SYDE2: variants seen among roughly 807,000 people sequenced by gnomAD.
SYDE2 encodes rho GTPase-activating protein SYDE2.
A neutral mutation model predicts 91.5 loss-of-function variants in SYDE2; 76 were observed. That is an observed-to-expected ratio of 0.83 (90% confidence interval 0.69 to 1.01). The LOEUF (loss-of-function observed/expected upper bound fraction) is 1.01, where lower values mean the gene tolerates loss of function less well. Ranked by LOEUF, SYDE2 falls within the 50% of genes least tolerant of loss-of-function variation. SYDE2 has a pLI of 0.00. For missense variants in SYDE2, 1,364 were observed against 1,367.7 expected (o/e 1.00, Z 0.04); for synonymous variants, 513 against 506.4 (o/e 1.01, Z -0.18).
intron 6 of SYDE2, among the ~76,000 whole-genome samples, chr1:85,161,935 C>T (rs570216502): frequency 2.7e-4 from 41 of 152,204 alleles, no homozygotes; most frequent in African/African-American, 6.7e-4. Context: ...TTCTGGTCAA[C>T]GGGAAGTGTG....
chr1:85,175,735 T>C (rs1657672761), intron 4 of SYDE2, among the ~76,000 whole-genome samples: 1 of 152,182 alleles, frequency 6.6e-6, no homozygotes, highest in South Asian at 2.1e-4. Context: ...ACAAACACAT[T>C]AAGCATCACT....
At chr1:85,172,524 T>G (rs1657538754) in intron 4 of SYDE2, among the ~76,000 whole-genome samples, 1 of 151,956 alleles carries the variant, frequency 6.6e-6, no homozygotes, top group Non-Finnish European at 1.5e-5. Context: ...GATGGAGCAA[T>G]AGGGACTAGA....
chr1:85,158,706 A>G lies in SYDE2; in HGVS notation c.*44T>C, dbSNP rs1656951538. The G allele has an allele frequency of 1.5e-6, 1 of 664,466 alleles. No individual in the cohort carries two copies. The highest frequency in any genetic ancestry group is 1.7e-5 in the South Asian group (1 of 57,488). 41.2% of individuals were successfully genotyped at this position (664,466 alleles called of 1,614,324 possible). A position where few individuals can be genotyped will look rare whatever the true frequency, so the allele number is the denominator to read the frequency against. ...GGTGGTATAAGAAAATAAAACAAAA[A>G]CAGATTTGAAACTTTAAGACATTAC... On this transcript the variant is annotated 3_prime_UTR_variant, in exon 7 of 7. Transcript: ENST00000341460.
intron 4 of SYDE2, among the ~76,000 whole-genome samples, chr1:85,173,402 C>T (rs1657572757): frequency 6.6e-6 from 1 of 152,182 alleles, no homozygotes; most frequent in South Asian, 2.1e-4. Context: ...TGATTCTGAA[C>T]TTCCAGCCTC....
intron 1 of SYDE2, among the ~76,000 whole-genome samples, chr1:85,199,522 C>T (rs1453141219): frequency 6.6e-6 from 1 of 152,044 alleles, no homozygotes; most frequent in Non-Finnish European, 1.5e-5. Flanking sequence ...TTTAAGTTTG[C>T]AAATGACTGC....
chr1:85,192,276 C>T (rs1048754109), intron 1 of SYDE2, among the ~76,000 whole-genome samples: 2 of 151,984 alleles, frequency 1.3e-5, no homozygotes, highest in Non-Finnish European at 2.9e-5. Flanking sequence ...GGTGTGGTGG[C>T]ACACACCTGT....
intron 5 of SYDE2, among the ~76,000 whole-genome samples, chr1:85,165,190 T>C (rs953469090): frequency 3.9e-5 from 6 of 152,092 alleles, no homozygotes; most frequent in African/African-American, 2.4e-5. Context: ...GCTGAGACTA[T>C]ACCCCTGCAC....
At chr1:85,185,834 G>GT (rs1227186305) in intron 2 of SYDE2, among the ~76,000 whole-genome samples, 2 of 152,020 alleles carry the variant, frequency 1.3e-5, no homozygotes, top group Non-Finnish European at 2.9e-5. Context: ...TTCCAACACT[G>GT]TTGAATAGGA....
rs1656950837 is a variant in SYDE2, at chr1:85,158,687, A to G, written c.*63T>C. The G allele has an allele frequency of 1.6e-5, 10 of 641,580 alleles. No individual in the cohort carries two copies. The East Asian group carries it at 1.6e-4, about 11-fold the overall frequency. 39.7% of individuals were successfully genotyped at this position (641,580 alleles called of 1,614,324 possible). A position where few individuals can be genotyped will look rare whatever the true frequency, so the allele number is the denominator to read the frequency against. ...AAATGAAAACATCGCTGTGGGTGGT[A>G]TAAGAAAATAAAACAAAAACAGATT... On this transcript the variant is annotated 3_prime_UTR_variant, in exon 7 of 7. Coordinates refer to ENST00000341460, the MANE Select transcript of SYDE2 (RefSeq NM_032184.2).
intron 2 of SYDE2, among the ~76,000 whole-genome samples, chr1:85,188,124 C>A (rs886747584): frequency 1.3e-5 from 2 of 152,154 alleles, no homozygotes; most frequent in Admixed American, 1.3e-4. Context: ...CACTCTCTTG[C>A]CTTCTCTGAA....
chr1:85,198,238 C>T (rs1658671477), intron 1 of SYDE2, among the ~76,000 whole-genome samples: 1 of 152,104 alleles, frequency 6.6e-6, no homozygotes, highest in Non-Finnish European at 1.5e-5. Flanking sequence ...GGGCAAACTG[C>T]TTAATCCCTC....
chr1:85,194,079 T>C (rs1658484946), intron 1 of SYDE2, among the ~76,000 whole-genome samples: 1 of 151,942 alleles, frequency 6.6e-6, no homozygotes, highest in Non-Finnish European at 1.5e-5. Flanking sequence ...AAATATATAA[T>C]ATTACAAAGG....
At chr1:85,168,499 T>TTC (rs1189537595) in intron 5 of SYDE2, among the ~76,000 whole-genome samples, 3 of 152,186 alleles carry the variant, frequency 2.0e-5, no homozygotes, top group African/African-American at 7.2e-5. Context: ...CTACCTATCC[T>TTC]TCTCTCTCTC....
At chr1:85,161,268 C>A (rs1657047293) in intron 6 of SYDE2, 2 of 205,644 alleles carry the variant, frequency 9.7e-6, no homozygotes, top group Admixed American at 6.5e-5. Context: ...TCTATAATTA[C>A]CTTATTTAAC....
chr1:85,166,804 CACACTACACCTGGTTAAAT>C (rs1352808467), intron 5 of SYDE2, among the ~76,000 whole-genome samples: 1 of 152,074 alleles, frequency 6.6e-6, no homozygotes, highest in East Asian at 1.9e-4. Context: ...ACACAAACAA[CACACTACACCTGGTTAAAT>C]ATATGTTCAA....
chr1:85,164,624 T>C lies in SYDE2; in HGVS notation c.2987A>G (p.His996Arg), dbSNP rs569750698. Residue 996 changes from histidine (H) to arginine (R), a missense_variant, in exon 6 of 7, where the codon CAT becomes CGT. Physicochemically the swap from His to Arg is conservative, Grantham distance 29 (BLOSUM62 0). Transcript: ENST00000341460. Reference sequence around the variant, plus strand: ...TGAATCAGTAAAGACTCTGTTGTTATGGGTGGAAGGCTCTTGCCTCTGACT... The same window carrying C: ...TGAATCAGTAAAGACTCTGTTGTTACGGGTGGAAGGCTCTTGCCTCTGACT... ...LLSQRQEPST[H>R]NNRVFTDSEE... 6.2e-6 allele frequency: 10 copies of C among 1,606,138 alleles called. No homozygotes were observed. The highest frequency in any genetic ancestry group is 2.2e-5 in the East Asian group (1 of 44,726).
At chr1:85,155,426 C>T (rs774047940), downstream of SYDE2, among the ~76,000 whole-genome samples, 1 of 151,986 alleles carries the variant, frequency 6.6e-6, no homozygotes, top group Non-Finnish European at 1.5e-5. Flanking sequence ...ATCGCTTGAG[C>T]CTACAAATTT....
chr1:85,198,723 C>CT (rs1658694811), intron 1 of SYDE2, among the ~76,000 whole-genome samples: 1 of 152,016 alleles, frequency 6.6e-6, no homozygotes. Flanking sequence ...TGTTTTAGCT[C>CT]TGTGACAAAA....
At chr1:85,155,396 G>A (rs1656857317), downstream of SYDE2, among the ~76,000 whole-genome samples, 1 of 152,112 alleles carries the variant, frequency 6.6e-6, no homozygotes, top group African/African-American at 2.4e-5. Context: ...CCAGCACTTT[G>A]GGAGACTGAG....
Sources: gnomAD v4.1 joint callset for allele counts (sites outside exome capture counted in the v4.1 genomes callset) on GRCh38, gnomAD v4.1.1 for gene constraint, MANE v1.5 for transcripts, NCBI Gene and HGNC (gene_info 2026-07-23, HGNC 2026-07-21) for gene names.